HMCN1: variants seen among roughly 807,000 people sequenced by gnomAD.
HMCN1 encodes hemicentin-1.
Under a neutral mutation model 625.9 loss-of-function variants are expected in HMCN1, and 321 were observed. The ratio of observed to expected loss-of-function variants is 0.51; its 90% CI spans 0.47 to 0.56. The LOEUF is 0.56. Among genes scored for constraint, HMCN1 ranks in the 20% least tolerant of loss-of-function variants. HMCN1 has a pLI of 0.00. For missense variants in HMCN1, 6,588 were observed against 6,887.3 expected (o/e 0.96, Z 1.54); for synonymous variants, 2,425 against 2,417.6 (o/e 1.00, Z -0.09).
chr1:185,916,040 A>G (rs1374439702), intron 6 of HMCN1, among the ~76,000 whole-genome samples: 2 of 151,094 alleles, frequency 1.3e-5, no homozygotes, highest in Non-Finnish European at 2.9e-5. Context: ...ATTTTTATGT[A>G]TATGTGTGTG....
chr1:186,033,532 T>C (rs7556344), intron 36 of HMCN1, among the ~76,000 whole-genome samples: 92,617 of 151,918 alleles, frequency 0.61, 29,185 homozygotes, highest in African/African-American at 0.78. Flanking sequence ...CAAAACAATG[T>C]GGATGCTATG....
chr1:186,106,455 T>G (rs1660613562), intron 69 of HMCN1, among the ~76,000 whole-genome samples: 1 of 152,354 alleles, frequency 6.6e-6, no homozygotes, highest in South Asian at 2.1e-4. Flanking sequence ...TGTTTGATTT[T>G]AATAACCAGA....
At chr1:186,129,036 T>TTAATA (rs1661789448) in intron 83 of HMCN1, among the ~76,000 whole-genome samples, 1 of 152,076 alleles carries the variant, frequency 6.6e-6, no homozygotes, top group Non-Finnish European at 1.5e-5. Context: ...ATTTATCAAC[T>TTAATA]GCATTACCTT....
chr1:185,950,612 T>C (rs1254490072), intron 11 of HMCN1, among the ~76,000 whole-genome samples: 10 of 151,752 alleles, frequency 6.6e-5, no homozygotes. Flanking sequence ...AGGTAACAGA[T>C]GAGGAAGAAA....
chr1:186,138,235 A>C (rs181539240), intron 89 of HMCN1, among the ~76,000 whole-genome samples: 9 of 152,326 alleles, frequency 5.9e-5, no homozygotes, highest in Admixed American at 4.6e-4. Context: ...AATCACGTAA[A>C]GAAAACATAA....
At chr1:186,170,818 T>G (rs1321378723) in intron 100 of HMCN1, among the ~76,000 whole-genome samples, 2 of 152,206 alleles carry the variant, frequency 1.3e-5, no homozygotes, top group Non-Finnish European at 2.9e-5. Flanking sequence ...TTTGTTACAC[T>G]ATGACCCAGA....
intron 11 of HMCN1, among the ~76,000 whole-genome samples, chr1:185,937,926 A>T (rs919527776): frequency 2.8e-5 from 4 of 144,490 alleles, no homozygotes; most frequent in African/African-American, 1.0e-4. Flanking sequence ...AATAATAGTA[A>T]TAATAATAAG....
At chr1:185,956,890 G>A (rs925829186) in intron 11 of HMCN1, among the ~76,000 whole-genome samples, 1 of 152,218 alleles carries the variant, frequency 6.6e-6, no homozygotes, top group African/African-American at 2.4e-5. Flanking sequence ...GTAGCTGTAT[G>A]TCAGGAAATG....
intron 71 of HMCN1, among the ~76,000 whole-genome samples, chr1:186,110,998 T>TTTTTTTA (rs1428925478): frequency 1.5e-5 from 2 of 134,750 alleles, no homozygotes; most frequent in African/African-American, 5.7e-5. Flanking sequence ...TTTTTTTTTT[T>TTTTTTTA]GAGACGGAGT....
intron 46 of HMCN1, 48 bp downstream of exon 46, chr1:186,057,449 T>A: frequency 7.8e-7 from 1 of 1,274,420 alleles, no homozygotes; most frequent in Non-Finnish European, 1.1e-6. Context: ...TTCATACGGC[T>A]ACAATTTCTC....
At chr1:186,005,917 C>A (rs569904189) in intron 29 of HMCN1, among the ~76,000 whole-genome samples, 1 of 152,244 alleles carries the variant, frequency 6.6e-6, no homozygotes, top group African/African-American at 2.4e-5. Flanking sequence ...AAGCGGATCA[C>A]CTGAGGTCAA....
intron 82 of HMCN1, among the ~76,000 whole-genome samples, chr1:186,126,250 TATTC>T (rs2102504175): frequency 8.9e-6 from 1 of 112,632 alleles, no homozygotes; most frequent in South Asian, 3.1e-4. Flanking sequence ...TCAACATAAA[TATTC>T]ATATATATTC....
chr1:186,065,171 C>T (rs2102325020), intron 48 of HMCN1, 67 bp from the exon 49 acceptor site: 3 of 1,318,554 alleles, frequency 2.3e-6, no homozygotes, highest in South Asian at 1.2e-5. Context: ...TGAAAACCTC[C>T]TCTTTCAAAG....
intron 11 of HMCN1, among the ~76,000 whole-genome samples, chr1:185,942,599 AC>A (rs1668140235): frequency 1.3e-5 from 2 of 152,326 alleles, no homozygotes; most frequent in Admixed American, 1.3e-4. Context: ...GCTGTTATTT[AC>A]TATGGTCAAT....
At chr1:185,960,891 G>A (rs1649972219) in intron 11 of HMCN1, among the ~76,000 whole-genome samples, 1 of 152,072 alleles carries the variant, frequency 6.6e-6, no homozygotes, top group Admixed American at 6.6e-5. Flanking sequence ...CATCCCTACA[G>A]CATGTGTAGT....
intron 11 of HMCN1, among the ~76,000 whole-genome samples, chr1:185,946,874 C>T (rs1430897542): frequency 6.6e-6 from 1 of 152,120 alleles, no homozygotes; most frequent in Non-Finnish European, 1.5e-5. Context: ...ACAACCTATA[C>T]TGGGGAAACA....
At chr1:186,069,933 G>T (rs755572395) in intron 51 of HMCN1, among the ~76,000 whole-genome samples, 157 bp downstream of exon 51, 4 of 152,198 alleles carry the variant, frequency 2.6e-5, no homozygotes, top group Non-Finnish European at 5.9e-5. Flanking sequence ...ATTAAGCATT[G>T]TGTCTATGGC....
At chr1:186,092,639 T>A (rs1306773531) in intron 64 of HMCN1, among the ~76,000 whole-genome samples, 1 of 123,834 alleles carries the variant, frequency 8.1e-6, no homozygotes, top group Non-Finnish European at 1.6e-5. Flanking sequence ...AGAAAAGCTT[T>A]ATTTAGCAAT....
At chr1:186,086,865 TA>T (rs1659529663) in intron 58 of HMCN1, among the ~76,000 whole-genome samples, 1 of 148,120 alleles carries the variant, frequency 6.8e-6, no homozygotes, top group South Asian at 2.2e-4. Context: ...GATAGATAGA[TA>T]GATTAGACAC....
Sources: gnomAD v4.1 joint callset for allele counts (sites outside exome capture counted in the v4.1 genomes callset) on GRCh38, gnomAD v4.1.1 for gene constraint, MANE v1.5 for transcripts, NCBI Gene and HGNC (gene_info 2026-07-23, HGNC 2026-07-21) for gene names.